The following HSPA12A variants were observed in gnomAD, a reference collection of about 807,000 sequenced individuals.
The protein encoded by HSPA12A is heat shock 70 kDa protein 12A.
HSPA12A carries 28 observed loss-of-function variants against 69.2 expected under a neutral mutation model. The ratio of observed to expected loss-of-function variants is 0.40; its 90% CI spans 0.30 to 0.55. HSPA12A has a LOEUF of 0.55. Among genes scored for constraint, HSPA12A ranks in the 20% least tolerant of loss-of-function variants. The pLI, the probability that HSPA12A is intolerant of heterozygous loss-of-function variation, is 0.38. For synonymous variants in HSPA12A, 345 were observed against 370.5 expected, an observed-to-expected ratio of 0.93 and a Z score of 0.79; for missense variants, 686 against 900.7, an observed-to-expected ratio of 0.76 and a Z score of 3.05.
At chr10:116,757,530 T>C (rs1341976595) in intron 2 of HSPA12A, among the ~76,000 whole-genome samples, 3 of 152,186 alleles carry the variant, frequency 2.0e-5, no homozygotes. Flanking sequence ...ACATTCATCA[T>C]CCGCACACGG....
At chr10:116,824,458 C>T (rs1238993422) in intron 2 of HSPA12A, among the ~76,000 whole-genome samples, 1 of 152,236 alleles carries the variant, frequency 6.6e-6, no homozygotes, top group African/African-American at 2.4e-5. Context: ...TCCATATCAA[C>T]ATTATTCATA....
At chr10:116,762,769 A>T (rs1160829460) in intron 2 of HSPA12A, among the ~76,000 whole-genome samples, 1 of 152,112 alleles carries the variant, frequency 6.6e-6, no homozygotes, top group African/African-American at 2.4e-5. Flanking sequence ...TTTTTAGTAG[A>T]GATGGAGTTT....
At chr10:116,719,075 C>G (rs1249354401) in intron 1 of HSPA12A, among the ~76,000 whole-genome samples, 2 of 152,184 alleles carry the variant, frequency 1.3e-5, no homozygotes, top group African/African-American at 4.8e-5. Flanking sequence ...ATAGATGCTG[C>G]CAAGATACTG....
rs201064862 is a variant in HSPA12A, at chr10:116,812,454, AAAATAAAATAAAATAAAAT to A, written c.91+22462_91+22480del. Among the ~76,000 whole-genome samples the A allele has an allele frequency of 1.6e-3, 244 of 152,034 alleles. 6 individuals are homozygous for A. The East Asian group carries it at 0.042, about 26-fold the overall frequency. ...GGCGATCGAGTGAGACTCCATCTCA[AAAATAAAATAAAATAAAAT>A]AAATAAAATAAAATAAAATCAGGGA... On this transcript the variant is annotated intron_variant, in intron 2 of 12. Coordinates refer to the HSPA12A transcript ENST00000635765.
intron 2 of HSPA12A, chr10:116,832,018 G>C (rs1465395795): frequency 6.6e-6 from 1 of 152,170 alleles, no homozygotes; most frequent in East Asian, 1.9e-4. Flanking sequence ...AGAGATATGA[G>C]AGCTCAGAAT....
At chr10:116,698,584 C>A (rs140861689) in intron 5 of HSPA12A, 51 bp downstream of exon 5, 28 of 1,448,900 alleles carry the variant, frequency 1.9e-5, no homozygotes, top group Non-Finnish European at 2.6e-5. Context: ...GGAGCTGGCA[C>A]GGGTGCCACC....
chr10:116,817,406 C>T (rs1845325815), intron 2 of HSPA12A, among the ~76,000 whole-genome samples: 1 of 152,122 alleles, frequency 6.6e-6, no homozygotes, highest in African/African-American at 2.4e-5. Context: ...ACCCTCGGCA[C>T]AGCCTTCTGC....
intron 1 of HSPA12A, among the ~76,000 whole-genome samples, chr10:116,732,678 T>C (rs1446253463): frequency 6.6e-6 from 1 of 152,254 alleles, no homozygotes; most frequent in Non-Finnish European, 1.5e-5. Flanking sequence ...GACTTGGCAC[T>C]TCATTCCTTT....
chr10:116,773,035 G>A (rs1554890668), intron 2 of HSPA12A, among the ~76,000 whole-genome samples: 1 of 152,196 alleles, frequency 6.6e-6, no homozygotes, highest in Non-Finnish European at 1.5e-5. Flanking sequence ...GGCTCATTCA[G>A]TCAGGACCGG....
intron 1 of HSPA12A, among the ~76,000 whole-genome samples, chr10:116,732,253 C>T (rs1851174741): frequency 6.6e-6 from 1 of 150,794 alleles, no homozygotes; most frequent in Non-Finnish European, 1.5e-5. Context: ...TCGTTTGAAC[C>T]CGGGAGGCGG....
At chr10:116,821,571 A>G (rs1356513130) in intron 2 of HSPA12A, among the ~76,000 whole-genome samples, 2 of 152,238 alleles carry the variant, frequency 1.3e-5, no homozygotes, top group African/African-American at 4.8e-5. Context: ...ACACACATAC[A>G]TACATTAGAA....
intron 1 of HSPA12A, among the ~76,000 whole-genome samples, chr10:116,735,938 A>G (rs868956196): frequency 6.6e-6 from 1 of 152,092 alleles, no homozygotes; most frequent in East Asian, 1.9e-4. Flanking sequence ...CAGAGCTTAC[A>G]TAAGCCAAGA....
chr10:116,849,397 C>G, intron 1 of HSPA12A: 1 of 888,528 alleles, frequency 1.1e-6, no homozygotes, highest in East Asian at 3.2e-5. Flanking sequence ...GCAGCGAGCG[C>G]AAATACCATC....
intron 1 of HSPA12A, among the ~76,000 whole-genome samples, chr10:116,841,295 T>C (rs1214545299): frequency 2.6e-5 from 4 of 152,194 alleles, no homozygotes; most frequent in African/African-American, 9.6e-5. Flanking sequence ...AGCATTTCCA[T>C]TTTAGAAATC....
chr10:116,700,638 C>T (rs1177441991), intron 4 of HSPA12A, among the ~76,000 whole-genome samples: 1 of 152,168 alleles, frequency 6.6e-6, no homozygotes, highest in African/African-American at 2.4e-5. Context: ...CAGGAGGGCC[C>T]CAGCACCCCA....
intron 1 of HSPA12A, among the ~76,000 whole-genome samples, chr10:116,737,552 T>C (rs567779522): frequency 1.0e-3 from 154 of 152,252 alleles, no homozygotes; most frequent in African/African-American, 3.6e-3. Flanking sequence ...CAAACTGAGA[T>C]ACTTAGAAGG....
chr10:116,759,751 A>G (rs1212045455), intron 2 of HSPA12A, among the ~76,000 whole-genome samples: 1 of 152,010 alleles, frequency 6.6e-6, no homozygotes, highest in African/African-American at 2.4e-5. Context: ...ATCTCATCTT[A>G]AATCGTAGCT....
chr10:116,692,213 C>T (rs1849756098), intron 6 of HSPA12A, 138 bp downstream of exon 6: 2 of 661,564 alleles, frequency 3.0e-6, no homozygotes, highest in Non-Finnish European at 5.3e-6. Context: ...CAGCTCCCAC[C>T]CTGGCTAGGG....
chr10:116,774,251 C>T (rs375836485), intron 2 of HSPA12A, among the ~76,000 whole-genome samples: 14 of 152,172 alleles, frequency 9.2e-5, no homozygotes, highest in East Asian at 7.8e-4. Context: ...CCTCGTGATC[C>T]GCCCGCCTCG....
Sources: gnomAD v4.1 joint callset for allele counts (sites outside exome capture counted in the v4.1 genomes callset) on GRCh38, gnomAD v4.1.1 for gene constraint, MANE v1.5 for transcripts, NCBI Gene and HGNC (gene_info 2026-07-23, HGNC 2026-07-21) for gene names.